GPC5: variants seen among roughly 807,000 people sequenced by gnomAD.
GPC5 encodes the protein glypican 5, also known as glypican-5.
GPC5 carries 47 observed loss-of-function variants against 53.9 expected under a neutral mutation model. The ratio of observed to expected loss-of-function variants is 0.87; its 90% CI spans 0.69 to 1.11. GPC5 has a LOEUF of 1.11. Ranked by LOEUF, GPC5 falls within the 50% of genes most tolerant of loss-of-function variation. The probability of loss-of-function intolerance (pLI) is 0.00; values close to 1 mark genes in which losing one functional copy is unlikely to be tolerated. For synonymous variants in GPC5, 286 were observed against 263.3 expected (o/e 1.09, Z -0.84); for missense variants, 748 against 713.1 (o/e 1.05, Z -0.56).
chr13:91,749,839 G>T (rs567274660), intron 4 of GPC5, among the ~76,000 whole-genome samples: 1 of 152,126 alleles, frequency 6.6e-6, no homozygotes, highest in African/African-American at 2.4e-5. Flanking sequence ...ACAGAGTCTC[G>T]CTGCTCTATA....
intron 7 of GPC5, among the ~76,000 whole-genome samples, chr13:92,573,171 G>A (rs1251049349): frequency 6.6e-6 from 1 of 152,058 alleles, no homozygotes; most frequent in Non-Finnish European, 1.5e-5. Flanking sequence ...ACTAGCAAGT[G>A]GTTTTAAAGA....
chr13:91,808,255 T>C (rs1318376583), intron 5 of GPC5, among the ~76,000 whole-genome samples: 1 of 152,184 alleles, frequency 6.6e-6, no homozygotes, highest in Admixed American at 6.5e-5. Flanking sequence ...ACTTCAGACA[T>C]GATTGAATAA....
intron 7 of GPC5, among the ~76,000 whole-genome samples, chr13:92,420,889 C>A (rs930869813): frequency 3.3e-5 from 5 of 152,162 alleles, no homozygotes; most frequent in African/African-American, 1.2e-4. Flanking sequence ...TTCTATTCAT[C>A]TGTTGATGGA....
At chr13:92,380,928 A>G (rs1165841728) in intron 7 of GPC5, among the ~76,000 whole-genome samples, 3 of 152,084 alleles carry the variant, frequency 2.0e-5, no homozygotes, top group African/African-American at 4.8e-5. Context: ...AAAAAAAGAA[A>G]AAAAAAAGAA....
intron 5 of GPC5, among the ~76,000 whole-genome samples, chr13:91,895,034 C>A (rs1173711336): frequency 1.3e-5 from 2 of 148,362 alleles, no homozygotes; most frequent in Non-Finnish European, 3.0e-5. Context: ...GGCCTTCTAA[C>A]CAAACCAAAT....
intron 7 of GPC5, among the ~76,000 whole-genome samples, chr13:92,200,027 G>T (rs1413872879): frequency 1.3e-5 from 2 of 152,132 alleles, no homozygotes; most frequent in Non-Finnish European, 2.9e-5. Context: ...TTTGCTCAAT[G>T]TATTTTCATT....
chr13:91,693,380 G>A lies in GPC5; in HGVS notation c.519G>A (p.Leu173=). The change falls in exon 3 of 8, where the codon CTG becomes CTA. Residue 173 remains leucine, a synonymous_variant. Transcript: ENST00000377067. ...VNRFFDSLFP[L]VYNHLINPGV... ...GATTTTTTGACAGTCTTTTTCCTCTGGTCTACAACCACCTCATTAACCCTG... is the reference window on the plus strand; with the variant it reads ...GATTTTTTGACAGTCTTTTTCCTCTAGTCTACAACCACCTCATTAACCCTG... The A allele has an allele frequency of 6.2e-7, 1 of 1,614,000 alleles. No individual in the cohort carries two copies. The highest frequency in any genetic ancestry group is 2.2e-5 in the East Asian group (1 of 44,864).
chr13:91,813,640 G>C (rs184342253), intron 5 of GPC5, among the ~76,000 whole-genome samples: 1 of 152,128 alleles, frequency 6.6e-6, no homozygotes, highest in South Asian at 2.1e-4. Flanking sequence ...GAAGTTTGCC[G>C]AGTATTGGAT....
intron 7 of GPC5, among the ~76,000 whole-genome samples, chr13:92,790,388 C>G (rs955960405): frequency 5.3e-5 from 8 of 152,104 alleles, no homozygotes; most frequent in African/African-American, 1.7e-4. Flanking sequence ...AGAGAAAGGT[C>G]AAAGCAGAGG....
At chr13:92,843,619 C>G (rs1420835933) in intron 7 of GPC5, among the ~76,000 whole-genome samples, 3 of 152,072 alleles carry the variant, frequency 2.0e-5, no homozygotes, top group African/African-American at 7.2e-5. Flanking sequence ...GCAAACAAAT[C>G]AAAAGCAGGA....
chr13:92,416,756 A>G (rs944328853), intron 7 of GPC5, among the ~76,000 whole-genome samples: 2 of 152,220 alleles, frequency 1.3e-5, no homozygotes, highest in Non-Finnish European at 2.9e-5. Flanking sequence ...TTGTGCTTCA[A>G]AGGATACCAT....
At chr13:92,737,766 C>CTTTTTTTTTTTTTTTTTTTTTTTT (rs33914729) in intron 7 of GPC5, among the ~76,000 whole-genome samples, 14 of 102,116 alleles carry the variant, frequency 1.4e-4, no homozygotes, top group Non-Finnish European at 1.6e-4. Context: ...TTTTCTTTTT[C>CTTTTTTTTTTTTTTTTTTTTTTTT]TTTTTTTTTT....
chr13:92,218,961 T>C (rs2042430093), intron 7 of GPC5, among the ~76,000 whole-genome samples: 1 of 152,196 alleles, frequency 6.6e-6, no homozygotes. Context: ...AATAAAATTA[T>C]ATCATCCTCA....
chr13:91,671,634 G>C (rs973052706), intron 2 of GPC5, among the ~76,000 whole-genome samples: 6 of 151,726 alleles, frequency 4.0e-5, no homozygotes, highest in African/African-American at 1.5e-4. Context: ...TCAATATTGT[G>C]GAAATGGCCA....
chr13:91,653,976 C>A (rs1280742877), intron 2 of GPC5, among the ~76,000 whole-genome samples: 1 of 152,118 alleles, frequency 6.6e-6, no homozygotes, highest in Non-Finnish European at 1.5e-5. Flanking sequence ...TCTCTCCTAC[C>A]CATCTTCACA....
intron 2 of GPC5, among the ~76,000 whole-genome samples, chr13:91,636,064 C>A (rs892053637): frequency 6.6e-6 from 1 of 151,808 alleles, no homozygotes; most frequent in Non-Finnish European, 1.5e-5. Flanking sequence ...TATTTAACAG[C>A]GTTAGGTATT....
intron 3 of GPC5, among the ~76,000 whole-genome samples, chr13:91,701,791 A>G (rs1261031946): frequency 6.6e-6 from 1 of 152,086 alleles, no homozygotes; most frequent in African/African-American, 2.4e-5. Flanking sequence ...TACTGATTTC[A>G]TATCTTTTCG....
chr13:92,636,136 C>T (rs1306090041), intron 7 of GPC5, among the ~76,000 whole-genome samples: 2 of 152,254 alleles, frequency 1.3e-5, no homozygotes, highest in East Asian at 3.9e-4. Context: ...TGGATGATCT[C>T]CAATCAGTAT....
At position 92,640,242 on chromosome 13, in the gene GPC5, C is replaced by T. The variant is rs190003502; in HGVS notation, c.1562-226040C>T. On this transcript the variant is annotated intron_variant, in intron 7 of 7. Coordinates refer to ENST00000377067, the MANE Select transcript of GPC5 (RefSeq NM_004466.6). ...TAATACCTTAAGACCCATAAGTGAACTTTGTGCCCAGATGTTGTTTTGTTT... is the reference window on the plus strand; with the variant it reads ...TAATACCTTAAGACCCATAAGTGAATTTTGTGCCCAGATGTTGTTTTGTTT... Among the ~76,000 whole-genome samples the T allele has an allele frequency of 8.5e-4, 129 of 151,922 alleles. 1 individual carries two copies. Among genetic ancestry groups the T allele is most frequent in the African/African-American group, 2.8e-3 (117 of 41,458 alleles).
Sources: allele counts gnomAD v4.1 joint callset (sites outside exome capture counted in the v4.1 genomes callset), GRCh38; gene constraint gnomAD v4.1.1; transcripts MANE v1.5; gene names NCBI Gene and HGNC (gene_info 2026-07-23, HGNC 2026-07-21).